LIPN: variants seen among roughly 807,000 people sequenced by gnomAD.
LIPN encodes the protein lipase family member N.
LIPN carries 32 observed loss-of-function variants against 43.7 expected under a neutral mutation model. The ratio of observed to expected loss-of-function variants is 0.73; its 90% CI spans 0.55 to 0.98. The LOEUF is 0.98. LIPN is among the 50% of genes least tolerant of loss of function. The pLI, the probability that LIPN is intolerant of heterozygous loss-of-function variation, is 0.00. For synonymous variants in LIPN, 156 were observed against 157.6 expected (o/e 0.99, Z 0.08); for missense variants, 505 against 483.8 (o/e 1.04, Z -0.41).
intron 7 of LIPN, among the ~76,000 whole-genome samples, chr10:88,772,862 AAAG>A (rs1481552367): frequency 6.9e-6 from 1 of 144,238 alleles, no homozygotes; most frequent in Non-Finnish European, 1.5e-5. Context: ...TCTTAAAAAA[AAAG>A]AAAGAAAAAA....
At chr10:88,767,759 G>A (rs954400634) in intron 5 of LIPN, among the ~76,000 whole-genome samples, 1 of 137,718 alleles carries the variant, frequency 7.3e-6, no homozygotes, top group Non-Finnish European at 1.5e-5. Flanking sequence ...AGTGACTGTT[G>A]TTTGCATTTT....
At chr10:88,768,972 A>T (rs1241065471) in intron 6 of LIPN, 44 bp downstream of exon 6, 1 of 1,560,056 alleles carries the variant, frequency 6.4e-7, no homozygotes, top group Non-Finnish European at 8.8e-7. Context: ...CTCATTTTGG[A>T]TCATAAATCC....
intron 2 of LIPN, 117 bp from the exon 3 acceptor site, chr10:88,762,071 C>T: frequency 2.0e-6 from 1 of 512,262 alleles, no homozygotes; most frequent in Non-Finnish European, 3.5e-6. Context: ...TTACAGTTAC[C>T]TGGTGCTACA....
At position 88,778,175 on chromosome 10, in the gene LIPN, T is replaced by C. The variant is rs767434712; in HGVS notation, c.1130T>C (p.Val377Ala). 5 of 1,613,396 alleles carry C rather than the reference T, an allele frequency of 3.1e-6. No homozygotes were observed. In the Admixed American group the frequency reaches 8.3e-5, roughly 27 times the overall value. Residue 377 changes from valine to alanine, a missense_variant, in exon 10 of 10, where the codon GTC (valine) becomes GCC (alanine). Val to Ala is a moderately conservative substitution (Grantham distance 64). Transcript: ENST00000404459. ...LLPDWNHFDF[V>A]WGLDAPQRMY... ...CCAGATTGGAACCACTTTGATTTTG[T>C]CTGGGGCCTCGATGCCCCTCAACGG...
Position 88,763,666 on chromosome 10 carries a change from C to A in LIPN, c.227-744C>A, listed in dbSNP as rs2134829668. 1.3e-5 allele frequency among the ~76,000 whole-genome samples: 2 copies of A among 152,158 alleles called. 1 individual carries two copies. Among genetic ancestry groups the A allele is most frequent in the South Asian group, 4.1e-4 (2 of 4,826 alleles). On this transcript the variant is annotated intron_variant, in intron 3 of 9. Coordinates refer to ENST00000404459, the MANE Select transcript of LIPN (RefSeq NM_001102469.2). ...TGGCTCCAGAGCCTGTGCTCTTAGT[C>A]ATTAAATTATAGTGCCTTACTTGAC...
chr10:88,758,770 G>T (rs1193867389), upstream of LIPN, among the ~76,000 whole-genome samples: 1 of 151,972 alleles, frequency 6.6e-6, no homozygotes, highest in African/African-American at 2.4e-5. Flanking sequence ...ATAACTCGAA[G>T]TTGAGGAGGG....
chr10:88,778,084 G>A lies in LIPN; in HGVS notation c.1039G>A (p.Val347Ile), dbSNP rs569529477. The change falls in exon 10 of 10, where the codon GTA becomes ATA. Residue 347 changes from valine to isoleucine, a missense_variant. Val to Ile is a conservative substitution (Grantham distance 29). Coordinates refer to ENST00000404459, the MANE Select transcript of LIPN (RefSeq NM_001102469.2). ...AIWAGGHDVL[V>I]TPQDVARILP... ...TTGGGCTGGTGGACATGATGTCCTC[G>A]TAACACCCCAGGATGTGGCCAGGAT... The A allele has an allele frequency of 1.6e-4, 257 of 1,613,552 alleles. 1 individual carries two copies. Among genetic ancestry groups the A allele is most frequent in the Admixed American group, 1.5e-3 (87 of 59,948 alleles).
chr10:88,770,238 A>G (rs1187696190), intron 6 of LIPN, among the ~76,000 whole-genome samples: 3 of 151,758 alleles, frequency 2.0e-5, no homozygotes, highest in Non-Finnish European at 4.4e-5. Flanking sequence ...ACATTATCAT[A>G]TCTTTTCTGT....
At chr10:88,758,476 T>C (rs1476384471), upstream of LIPN, among the ~76,000 whole-genome samples, 3 of 150,418 alleles carry the variant, frequency 2.0e-5, no homozygotes, top group East Asian at 5.8e-4. Context: ...AATTTCAGTA[T>C]GAGTATTGAA....
chr10:88,773,910 T>C (rs1374927750), intron 7 of LIPN, among the ~76,000 whole-genome samples: 2 of 151,908 alleles, frequency 1.3e-5, no homozygotes, highest in Admixed American at 6.6e-5. Flanking sequence ...GAAATAACCT[T>C]TGGAAAAAAT....
intron 2 of LIPN, 118 bp downstream of exon 2, chr10:88,761,631 T>C: frequency 1.4e-6 from 1 of 694,298 alleles, no homozygotes; most frequent in Non-Finnish European, 2.4e-6. Flanking sequence ...TGTAGATGGT[T>C]TTTAACCTCT....
chr10:88,779,151 C>T lies in LIPN; in HGVS notation c.*909C>T, dbSNP rs914028139. 6.6e-5 allele frequency among the ~76,000 whole-genome samples: 10 copies of T among 152,106 alleles called. No individual in the cohort carries two copies. Among genetic ancestry groups the T allele is most frequent in the Non-Finnish European group, 8.8e-5 (6 of 68,022 alleles). On this transcript the variant is annotated 3_prime_UTR_variant, in exon 10 of 10. Transcript: ENST00000404459. Reference sequence around the variant, plus strand: ...TTTTACCTAATGGAAACCTGATTGCCGCATTTTTGTAACCACCACTTTGGC... The same window carrying T: ...TTTTACCTAATGGAAACCTGATTGCTGCATTTTTGTAACCACCACTTTGGC...
rs1843323157 is a variant in LIPN, at chr10:88,778,000, C to T, written c.964-9C>T. The T allele has an allele frequency of 1.9e-6, 3 of 1,582,142 alleles. No individual in the cohort carries two copies. In the East Asian group the frequency reaches 6.7e-5, roughly 36 times the overall value. ...CCTCTCATGAATGCCCTTGCTTTCT[C>T]TCCCACAGAGTCATCCCCCTATATA... On this transcript the variant is annotated splice_polypyrimidine_tract_variant and intron_variant, in intron 9 of 9. Coordinates refer to ENST00000404459, the MANE Select transcript of LIPN (RefSeq NM_001102469.2).
chr10:88,766,594 CA>C (rs1235782724), intron 5 of LIPN, among the ~76,000 whole-genome samples: 4 of 151,930 alleles, frequency 2.6e-5, no homozygotes, highest in Admixed American at 2.0e-4. Context: ...TCTCTGGTCA[CA>C]GCAGCATATT....
chr10:88,761,133 T>C (rs553235115), intron 1 of LIPN, among the ~76,000 whole-genome samples: 2 of 152,238 alleles, frequency 1.3e-5, no homozygotes, highest in African/African-American at 4.8e-5. Context: ...TCAACCTTGA[T>C]TAAAATAAGA....
chr10:88,774,355 A>G, intron 7 of LIPN, 118 bp from the exon 8 acceptor site: 1 of 639,366 alleles, frequency 1.6e-6, no homozygotes, highest in Non-Finnish European at 2.8e-6. Context: ...AGATAATTCT[A>G]CCTTGTTATT....
intron 6 of LIPN, among the ~76,000 whole-genome samples, chr10:88,770,455 T>C (rs1843185659): frequency 6.6e-6 from 1 of 151,516 alleles, no homozygotes. Context: ...AAGCACTGAC[T>C]GGGCAGAATA....
intron 9 of LIPN, among the ~76,000 whole-genome samples, chr10:88,777,472 G>A (rs527427752): frequency 1.3e-5 from 2 of 151,706 alleles, no homozygotes; most frequent in East Asian, 1.9e-4. Context: ...ATGGTAGTCC[G>A]AAGACAGACC....
At chr10:88,769,574 A>T (rs765783149) in intron 6 of LIPN, 17 of 983,926 alleles carry the variant, frequency 1.7e-5, no homozygotes, top group Middle Eastern at 5.2e-4. Context: ...CAATGAACAC[A>T]GCATTTAATC....
Sources: allele counts gnomAD v4.1 joint callset (sites outside exome capture counted in the v4.1 genomes callset), GRCh38; gene constraint gnomAD v4.1.1; transcripts MANE v1.5; gene names NCBI Gene and HGNC (gene_info 2026-07-23, HGNC 2026-07-21).